SENP5: variants seen among roughly 807,000 people sequenced by gnomAD.
The protein encoded by SENP5 is sentrin-specific protease 5.
SENP5 carries 21 observed loss-of-function variants against 74.2 expected under a neutral mutation model. The ratio of observed to expected loss-of-function variants is 0.28; its 90% confidence interval spans 0.20 to 0.41. The LOEUF (loss-of-function observed/expected upper bound fraction) is 0.41. SENP5 is among the 10% of genes least tolerant of loss of function. SENP5 has a pLI of 1.00. For synonymous variants in SENP5, 311 were observed against 312.7 expected, an observed-to-expected ratio of 0.99 and a Z score of 0.06; for missense variants, 717 against 889.1, an observed-to-expected ratio of 0.81 and a Z score of 2.46.
chr3:196,930,280 G>A (rs924984086), intron 9 of SENP5, among the ~76,000 whole-genome samples: 4 of 152,134 alleles, frequency 2.6e-5, no homozygotes, highest in African/African-American at 9.7e-5. Context: ...GGGCCATGAT[G>A]GGTCTAGCTG....
chr3:196,917,372 TAGAGAGAG>T (rs143330138), intron 6 of SENP5, among the ~76,000 whole-genome samples: 2 of 146,996 alleles, frequency 1.4e-5, no homozygotes, highest in African/African-American at 5.0e-5. Context: ...AAAGAGGAGG[TAGAGAGAG>T]AGAGAGAGGG....
chr3:196,873,235 G>A (rs1240327015), intron 1 of SENP5, among the ~76,000 whole-genome samples: 2 of 151,762 alleles, frequency 1.3e-5, no homozygotes, highest in African/African-American at 2.4e-5. Flanking sequence ...CACCATGCCC[G>A]GCTAATGTTT....
rs34072058 is a variant in SENP5 at position 196,883,694 on chromosome 3, C to CTT, written c.-31-1448_-31-1447dup. ...GCTTTCTGAGGTCCTATAGCTGCTG[C>CTT]TTTTTTTTTTGGAGACAGAGCTTCA... On this transcript the variant is annotated intron_variant, in intron 1 of 9. Transcript: ENST00000323460. 6.2e-3 allele frequency among the ~76,000 whole-genome samples: 930 copies of CTT among 148,940 alleles called. 11 individuals carry two copies. Among genetic ancestry groups the CTT allele is most frequent in the East Asian group, 0.038 (194 of 5,096 alleles).
intron 1 of SENP5, among the ~76,000 whole-genome samples, chr3:196,880,503 C>CAGTTGTCACA (rs1375772446): frequency 6.6e-6 from 1 of 152,150 alleles, no homozygotes; most frequent in African/African-American, 2.4e-5. Flanking sequence ...TTTTCTTTTT[C>CAGTTGTCACA]TGAACTGAGA....
At chr3:196,878,646 C>T (rs1214183756) in intron 1 of SENP5, among the ~76,000 whole-genome samples, 1 of 152,114 alleles carries the variant, frequency 6.6e-6, no homozygotes, top group Non-Finnish European at 1.5e-5. Flanking sequence ...GGCCAGAGTA[C>T]GGTGGCATGA....
At position 196,884,344 on chromosome 3, in the gene SENP5, A is replaced by G. The variant is rs1443077505; in HGVS notation, c.-31-807A>G. On this transcript the variant is annotated intron_variant, in intron 1 of 9. Transcript: ENST00000323460. ...AGAACCAACACAAGCATACACACAT[A>G]TACTGCAGGAACACACTCTAGAAGT... Among the ~76,000 whole-genome samples the G allele has an allele frequency of 3.3e-5, 5 of 152,232 alleles. No homozygotes were observed. In the East Asian group the frequency reaches 9.6e-4, roughly 29 times the overall value.
Position 196,886,124 on chromosome 3 carries a change from G to A in SENP5, c.943G>A (p.Val315Met), listed in dbSNP as rs1376898255. The change falls in exon 2 of 10, where the codon GTG (valine) becomes ATG (methionine). Residue 315 changes from valine (V) to methionine (M), a missense_variant. Physicochemically the swap from Val to Met is conservative, Grantham distance 21 (BLOSUM62 1). Around this residue, in one of 4 missense-constraint regions of SENP5, gnomAD observed 567 missense variants for 577.4 expected, o/e 0.98. Coordinates refer to ENST00000323460, the MANE Select transcript of SENP5 (RefSeq NM_152699.5). Reference sequence around the variant, plus strand: ...CTTTCCAGATATGGACAGCAGTGCTGTGGTGAAGGGGACGAACTCTCATGT... The same window carrying A: ...CTTTCCAGATATGGACAGCAGTGCTATGGTGAAGGGGACGAACTCTCATGT... ...PYFPDMDSSA[V>M]VKGTNSHVPD... The A allele has an allele frequency of 6.2e-7, 1 of 1,614,238 alleles. No homozygotes were observed. The highest frequency in any genetic ancestry group is 1.6e-4 in the Middle Eastern group (1 of 6,062).
chr3:196,891,391 T>C (rs1297441197), intron 2 of SENP5, among the ~76,000 whole-genome samples: 1 of 152,164 alleles, frequency 6.6e-6, no homozygotes, highest in African/African-American at 2.4e-5. Flanking sequence ...AATCTGAATA[T>C]ATTAAAAAAC....
rs962923656 is a variant in SENP5, at chr3:196,868,355, G to C, written c.-32+282G>C. Among the ~76,000 whole-genome samples, 17 of 152,272 alleles carry C rather than the reference G, an allele frequency of 1.1e-4. 1 individual carries two copies. The highest frequency in any genetic ancestry group is 6.5e-4 in the Admixed American group (10 of 15,292). On this transcript the variant is annotated intron_variant, in intron 1 of 9. Transcript: ENST00000323460. ...CTGGCGCCCCCCAGCTCCTCCTGAAGCCGGGAAAGCTCTGAGAGGAGGAGC... is the reference window on the plus strand; with the variant it reads ...CTGGCGCCCCCCAGCTCCTCCTGAACCCGGGAAAGCTCTGAGAGGAGGAGC...
chr3:196,896,359 T>A (rs1714439946), intron 2 of SENP5, among the ~76,000 whole-genome samples: 2 of 152,242 alleles, frequency 1.3e-5, no homozygotes, highest in Admixed American at 6.5e-5. Context: ...TCACGGTACC[T>A]ACAATCAGGA....
At chr3:196,925,859 A>G in intron 7 of SENP5, among the ~76,000 whole-genome samples, 1 of 152,212 alleles carries the variant, frequency 6.6e-6, no homozygotes, top group East Asian at 1.9e-4. Context: ...GACCCTAAGA[A>G]CAGACTCCTT....
chr3:196,904,083 TATAC>T (rs1227592479), intron 6 of SENP5, among the ~76,000 whole-genome samples: 2 of 152,250 alleles, frequency 1.3e-5, no homozygotes, highest in African/African-American at 4.8e-5. Flanking sequence ...CATAAAATCT[TATAC>T]ATACATGTAA....
chr3:196,890,534 A>G (rs938148011), intron 2 of SENP5, among the ~76,000 whole-genome samples: 2 of 150,278 alleles, frequency 1.3e-5, no homozygotes, highest in South Asian at 2.2e-4. Context: ...ATACTTTGCA[A>G]TGACAGTAGC....
chr3:196,883,165 T>G (rs1334832584), intron 1 of SENP5, among the ~76,000 whole-genome samples: 1 of 152,138 alleles, frequency 6.6e-6, no homozygotes, highest in Non-Finnish European at 1.5e-5. Context: ...AAGGATAAAC[T>G]TCCAATCTTG....
intron 9 of SENP5, among the ~76,000 whole-genome samples, chr3:196,929,919 G>C (rs55931516): frequency 0.14 from 21,112 of 151,686 alleles, 2,028 homozygotes; most frequent in Admixed American, 0.19. Context: ...TGTCTCACTG[G>C]AGGTTATTAG....
In SENP5 at chr3:196,885,815, T is replaced by G. The variant is rs1713939020; in HGVS notation, c.634T>G (p.Leu212Val). 6.2e-7 allele frequency: 1 copy of G among 1,614,046 alleles called. No homozygotes were observed. The highest frequency in any genetic ancestry group is 1.3e-5 in the African/African-American group (1 of 74,924). ...GGAGCACCACAGGAATGGGGGACCCTTGATTCCAAAAAAGTTCCAACTTAA... is the reference window on the plus strand; with the variant it reads ...GGAGCACCACAGGAATGGGGGACCCGTGATTCCAAAAAAGTTCCAACTTAA... ...GPEHHRNGGP[L>V]IPKKFQLNQH... The change falls in exon 2 of 10, where the codon TTG becomes GTG. Residue 212 changes from leucine to valine, a missense_variant. By Grantham distance (32) the Leu-to-Val change is conservative. This residue lies in a region of SENP5 where 567 missense variants were observed against 577.4 expected (regional missense o/e 0.98). Transcript: ENST00000323460.
At chr3:196,868,458 G>A (rs1237279341) in intron 1 of SENP5, among the ~76,000 whole-genome samples, 1 of 152,244 alleles carries the variant, frequency 6.6e-6, no homozygotes, top group Non-Finnish European at 1.5e-5. Flanking sequence ...GCCTCCTTCC[G>A]GCCTTCGTTT....
intron 7 of SENP5, among the ~76,000 whole-genome samples, chr3:196,925,018 C>T (rs568359791): frequency 3.4e-4 from 52 of 152,274 alleles, no homozygotes; most frequent in African/African-American, 1.2e-3. Context: ...TACACAAATA[C>T]ATGCAGGTGT....
chr3:196,913,598 A>T (rs1715226603), intron 6 of SENP5, among the ~76,000 whole-genome samples: 1 of 144,066 alleles, frequency 6.9e-6, no homozygotes. Flanking sequence ...AACTAGTAAG[A>T]CCCTGAACTC....
Sources: allele counts gnomAD v4.1 joint callset (sites outside exome capture counted in the v4.1 genomes callset), GRCh38; gene constraint gnomAD v4.1.1; regional missense constraint gnomAD v4.1.1; transcripts MANE v1.5; gene names NCBI Gene and HGNC (gene_info 2026-07-23, HGNC 2026-07-21).